CADM2: variants seen among roughly 807,000 people sequenced by gnomAD.
CADM2 encodes cell adhesion molecule 2, also known as immunoglobulin superfamily member 4D.
Under a neutral mutation model 49.8 loss-of-function variants are expected in CADM2, and 12 were observed. The ratio of observed to expected loss-of-function variants is 0.24; its 90% CI spans 0.15 to 0.39. The LOEUF (loss-of-function observed/expected upper bound fraction) is 0.39. CADM2 is among the 10% of genes least tolerant of loss of function. The pLI is 1.00. For missense variants in CADM2, 378 were observed against 492.3 expected, an observed-to-expected ratio of 0.77 and a Z score of 2.20; for synonymous variants, 214 against 175.4, an observed-to-expected ratio of 1.22 and a Z score of -1.74.
chr3:86,023,621 G>T (rs1052951243), intron 8 of CADM2, among the ~76,000 whole-genome samples: 4 of 152,058 alleles, frequency 2.6e-5, no homozygotes, highest in African/African-American at 9.7e-5. Context: ...GCCTCCCAAA[G>T]TCCTGGGATT....
chr3:85,682,258 C>T (rs1471091812), intron 1 of CADM2, among the ~76,000 whole-genome samples: 2 of 152,088 alleles, frequency 1.3e-5, no homozygotes, highest in African/African-American at 4.8e-5. Flanking sequence ...GAATAAATCA[C>T]TAATTTGGTC....
chr3:85,127,758 T>C (rs1438352513), intron 1 of CADM2, among the ~76,000 whole-genome samples: 1 of 152,172 alleles, frequency 6.6e-6, no homozygotes, highest in Non-Finnish European at 1.5e-5. Flanking sequence ...ATTTAGGTGA[T>C]ACATGTCTCA....
Position 86,012,018 on chromosome 3 carries a change from ATG to A in CADM2, c.970+50375_970+50376del, listed in dbSNP as rs1450384314. ...GATTCATTCTAGTGTTTAATATTTT[ATG>A]TGTTATAAAATATTATCTTATATAA... On this transcript the variant is annotated intron_variant, in intron 8 of 9. Coordinates refer to ENST00000383699, the MANE Select transcript of CADM2 (RefSeq NM_001167675.2). Among the ~76,000 whole-genome samples the A allele has an allele frequency of 1.5e-4, 23 of 152,120 alleles. 1 individual carries two copies. Among genetic ancestry groups the A allele is most frequent in the East Asian group, 1.9e-4 (1 of 5,176 alleles).
intron 1 of CADM2, among the ~76,000 whole-genome samples, chr3:85,304,042 AC>A (rs1192730452): frequency 6.6e-6 from 1 of 151,868 alleles, no homozygotes; most frequent in Non-Finnish European, 1.5e-5. Flanking sequence ...ATTGTATTTC[AC>A]TTTTAAAGAC....
Position 86,055,003 on chromosome 3 carries a change from G to C in CADM2, c.971-10602G>C, listed in dbSNP as rs138692913. Among the ~76,000 whole-genome samples the C allele has an allele frequency of 3.0e-3, 458 of 152,174 alleles. 3 individuals are homozygous for C. The highest frequency in any genetic ancestry group is 9.9e-3 in the African/African-American group (412 of 41,534). ...CATTGAAGGCAGAACAGCTCCAAGA[G>C]AGAAAGACAGGAAGCAACAGAATAA... On this transcript the variant is annotated intron_variant, in intron 8 of 9. Transcript: ENST00000383699.
chr3:85,864,798 C>T (rs559704405), intron 3 of CADM2, among the ~76,000 whole-genome samples: 2 of 152,302 alleles, frequency 1.3e-5, no homozygotes, highest in South Asian at 4.1e-4. Context: ...ATTTATGTAA[C>T]TGATACAAAA....
intron 7 of CADM2, among the ~76,000 whole-genome samples, chr3:85,952,379 T>A (rs138762896): frequency 6.6e-6 from 1 of 151,108 alleles, no homozygotes; most frequent in East Asian, 2.0e-4. Context: ...GTTTTCTTTC[T>A]TTAGCTTGGA....
intron 8 of CADM2, among the ~76,000 whole-genome samples, chr3:86,055,857 T>C (rs1318535730): frequency 2.0e-5 from 3 of 152,098 alleles, no homozygotes; most frequent in African/African-American, 7.2e-5. Flanking sequence ...TTCTCATTTA[T>C]AAACAGAGAA....
At chr3:85,588,537 G>C (rs1044723567) in intron 1 of CADM2, among the ~76,000 whole-genome samples, 7 of 152,028 alleles carry the variant, frequency 4.6e-5, no homozygotes, top group African/African-American at 1.7e-4. Flanking sequence ...TATTTCATCT[G>C]ATTTGAGATG....
At chr3:85,565,382 A>G (rs1207140907) in intron 1 of CADM2, among the ~76,000 whole-genome samples, 1 of 152,104 alleles carries the variant, frequency 6.6e-6, no homozygotes, top group Non-Finnish European at 1.5e-5. Context: ...GCTTCTGTTT[A>G]TATATGAAGA....
Position 85,466,513 on chromosome 3 carries a change from G to A in CADM2, c.62-260009G>A, listed in dbSNP as rs941722993. Among the ~76,000 whole-genome samples the A allele has an allele frequency of 2.0e-5, 3 of 152,050 alleles. No homozygotes were observed. The East Asian group carries it at 5.8e-4, about 29-fold the overall frequency. ...GTAGTTGCCATTTTTGTCCATATCT[G>A]GTAGTCACAACTCTAGCTTGACTGC... On this transcript the variant is annotated intron_variant, in intron 1 of 9. Coordinates refer to ENST00000383699, the MANE Select transcript of CADM2 (RefSeq NM_001167675.2).
In CADM2 at chr3:84,967,590, C is replaced by T. The variant is rs72917435; in HGVS notation, c.61+7922C>T. On this transcript the variant is annotated intron_variant, in intron 1 of 9. Coordinates refer to ENST00000383699, the MANE Select transcript of CADM2 (RefSeq NM_001167675.2). ...GCTCTCTATTTTATGTGCTGAAGTC[C>T]GAATAGTAACTCGGCTTCCTTTATA... Among the ~76,000 whole-genome samples, 1,233 of 152,054 alleles carry T rather than the reference C, an allele frequency of 8.1e-3. 13 individuals carry two copies. The highest frequency in any genetic ancestry group is 0.028 in the African/African-American group (1,158 of 41,498).
At chr3:85,564,443 G>A (rs976979741) in intron 1 of CADM2, among the ~76,000 whole-genome samples, 2 of 151,872 alleles carry the variant, frequency 1.3e-5, no homozygotes, top group Non-Finnish European at 1.5e-5. Flanking sequence ...ATATCAAAAC[G>A]GTGAACAACA....
intron 3 of CADM2, among the ~76,000 whole-genome samples, chr3:85,838,789 T>TAG (rs2108256878): frequency 6.6e-6 from 1 of 151,904 alleles, no homozygotes; most frequent in African/African-American, 2.4e-5. Flanking sequence ...TTTACCCAGT[T>TAG]ACAATAATAG....
intron 1 of CADM2, among the ~76,000 whole-genome samples, chr3:85,596,437 T>C (rs1266723949): frequency 2.0e-5 from 3 of 152,092 alleles, no homozygotes; most frequent in Non-Finnish European, 2.9e-5. Context: ...ACAAAGCATA[T>C]GCTGTTTAAA....
chr3:85,283,738 T>C (rs2043560517), intron 1 of CADM2, among the ~76,000 whole-genome samples: 1 of 152,116 alleles, frequency 6.6e-6, no homozygotes, highest in Non-Finnish European at 1.5e-5. Context: ...TTAGAAAATA[T>C]CTGCAATGTA....
At chr3:85,394,879 G>A (rs1008123941) in intron 1 of CADM2, among the ~76,000 whole-genome samples, 9 of 152,080 alleles carry the variant, frequency 5.9e-5, no homozygotes, top group African/African-American at 2.2e-4. Context: ...ATAAAAATGT[G>A]TCTCTCATGC....
chr3:85,168,942 G>GATTT (rs199591280), intron 1 of CADM2, among the ~76,000 whole-genome samples: 7,612 of 151,334 alleles, frequency 0.05, 255 homozygotes, highest in African/African-American at 0.083. Flanking sequence ...ATTTAGTAAA[G>GATTT]ATTTATTTAT....
At chr3:85,505,462 C>T (rs897570049) in intron 1 of CADM2, among the ~76,000 whole-genome samples, 1 of 152,132 alleles carries the variant, frequency 6.6e-6, no homozygotes, top group Non-Finnish European at 1.5e-5. Context: ...AGGTAAAGTT[C>T]TCCTCTCTGC....
Sources: allele counts gnomAD v4.1 joint callset (sites outside exome capture counted in the v4.1 genomes callset), GRCh38; gene constraint gnomAD v4.1.1; transcripts MANE v1.5; gene names NCBI Gene and HGNC (gene_info 2026-07-23, HGNC 2026-07-21).